Variants in ADAMTSL1 observed in about 807,000 individuals in gnomAD.
ADAMTSL1 encodes the protein ADAMTS like 1.
A neutral mutation model predicts 201.8 loss-of-function variants in ADAMTSL1; 126 were observed. The observed-to-expected ratio is 0.62, with a 90% confidence interval of 0.54 to 0.72. The LOEUF (loss-of-function observed/expected upper bound fraction) is 0.72. ADAMTSL1 is among the 30% of genes least tolerant of loss of function. The probability of loss-of-function intolerance (pLI) is 0.00; values close to 1 mark genes in which losing one functional copy is unlikely to be tolerated. For synonymous variants in ADAMTSL1, 1,121 were observed against 903.4 expected (o/e 1.24, Z -4.32); for missense variants, 2,679 against 2,277.8 (o/e 1.18, Z -3.59).
chr9:18,364,646 GTACTGC>G (rs77698275), intron 2 of ADAMTSL1, among the ~76,000 whole-genome samples: 45,820 of 151,662 alleles, frequency 0.3, 7,163 homozygotes, highest in Admixed American at 0.42. Flanking sequence ...GGTCATTCTT[GTACTGC>G]TATAAAGAAA....
At chr9:18,717,863 GGAAAGTC>G in intron 14 of ADAMTSL1, 1 of 777,938 alleles carries the variant, frequency 1.3e-6, no homozygotes, top group South Asian at 1.5e-5. Flanking sequence ...TACCACCACA[GGAAAGTC>G]CATTTAAGAT....
intron 2 of ADAMTSL1, among the ~76,000 whole-genome samples, chr9:18,375,481 C>A (rs907458389): frequency 2.0e-5 from 3 of 152,048 alleles, no homozygotes; most frequent in Non-Finnish European, 4.4e-5. Flanking sequence ...TTTGTGCTGA[C>A]AAATACAAGT....
chr9:18,240,975 C>A (rs188450382), intron 2 of ADAMTSL1, among the ~76,000 whole-genome samples: 40 of 152,318 alleles, frequency 2.6e-4, no homozygotes, highest in African/African-American at 9.4e-4. Context: ...GGGCCTTGCT[C>A]TGGATTAGGC....
intron 2 of ADAMTSL1, among the ~76,000 whole-genome samples, chr9:18,436,416 T>C (rs1378166885): frequency 2.0e-5 from 3 of 152,212 alleles, no homozygotes; most frequent in Non-Finnish European, 4.4e-5. Context: ...TCCTCTTTCT[T>C]GCTCTTGTTT....
intron 3 of ADAMTSL1, among the ~76,000 whole-genome samples, chr9:18,550,569 A>G (rs1820738402): frequency 6.6e-6 from 1 of 151,944 alleles, no homozygotes; most frequent in South Asian, 2.1e-4. Flanking sequence ...AATTTAGCCA[A>G]CAACCTCAAT....
chr9:18,045,006 G>A (rs1041110909), intron 1 of ADAMTSL1, among the ~76,000 whole-genome samples: 4 of 152,086 alleles, frequency 2.6e-5, no homozygotes, highest in African/African-American at 7.2e-5. Flanking sequence ...TGAGAATAGA[G>A]GCCAAAGCCC....
chr9:18,287,144 T>C (rs545420111), intron 2 of ADAMTSL1, among the ~76,000 whole-genome samples: 1 of 152,278 alleles, frequency 6.6e-6, no homozygotes, highest in South Asian at 2.1e-4. Flanking sequence ...TAATATGGCC[T>C]TGTTACTGGA....
At chr9:18,628,051 T>C (rs1196118338) in intron 5 of ADAMTSL1, among the ~76,000 whole-genome samples, 1 of 152,196 alleles carries the variant, frequency 6.6e-6, no homozygotes, top group African/African-American at 2.4e-5. Context: ...GCTTTTTTAT[T>C]CAAAATTGCT....
chr9:18,535,889 C>A (rs923617136), intron 3 of ADAMTSL1, among the ~76,000 whole-genome samples: 2 of 152,104 alleles, frequency 1.3e-5, no homozygotes, highest in African/African-American at 4.8e-5. Context: ...TGGTTCTTCC[C>A]TTGACACGCA....
rs1832270684 is a variant in ADAMTSL1, at chr9:18,706,971, G to A, written c.1799G>A (p.Gly600Asp). Residue 600 changes from glycine to aspartate, a missense_variant, in exon 14 of 29, where the codon GGT becomes GAT. Physicochemically the swap from Gly to Asp is moderately conservative, Grantham distance 94. Transcript: ENST00000380548. The part of the protein sequence containing the change: ...FNPDETDGLF[G>D]GLQDFDELYD... ...CCAGACGAGACAGATGGGCTCTTTG[G>A]TGGCCTGCAGGATTTCGACGAGCTG... 3 of 1,613,968 alleles carry A rather than the reference G, an allele frequency of 1.9e-6. No individual in the cohort carries two copies. In the African/African-American group the frequency reaches 4.0e-5, roughly 22 times the overall value.
chr9:18,016,155 T>C (rs1820251637), intron 1 of ADAMTSL1, among the ~76,000 whole-genome samples: 1 of 152,058 alleles, frequency 6.6e-6, no homozygotes, highest in African/African-American at 2.4e-5. Context: ...ATGTATTCAA[T>C]GTACATCCAC....
chr9:18,758,564 C>G (rs1454407937), intron 16 of ADAMTSL1, among the ~76,000 whole-genome samples: 2 of 152,172 alleles, frequency 1.3e-5, no homozygotes, highest in African/African-American at 4.8e-5. Context: ...GCTTCCTTGG[C>G]TCATGGCCCC....
intron 1 of ADAMTSL1, among the ~76,000 whole-genome samples, chr9:17,918,056 G>A (rs982217011): frequency 4.6e-5 from 7 of 151,726 alleles, no homozygotes; most frequent in African/African-American, 1.7e-4. Context: ...CTTTTTCCCT[G>A]ATCAATCTGC....
chr9:18,697,291 C>A (rs534923947), intron 13 of ADAMTSL1, among the ~76,000 whole-genome samples: 1 of 152,152 alleles, frequency 6.6e-6, no homozygotes, highest in African/African-American at 2.4e-5. Flanking sequence ...CAGACAAAAC[C>A]ATTTGCAGTG....
At chr9:18,133,427 A>G (rs970539321) in intron 1 of ADAMTSL1, among the ~76,000 whole-genome samples, 1 of 152,150 alleles carries the variant, frequency 6.6e-6, no homozygotes, top group Non-Finnish European at 1.5e-5. Flanking sequence ...GTCTGGGCTA[A>G]ACATTTTCAT....
chr9:18,109,680 G>C (rs1587071309), intron 1 of ADAMTSL1, among the ~76,000 whole-genome samples: 2 of 152,164 alleles, frequency 1.3e-5, no homozygotes, highest in East Asian at 3.9e-4. Context: ...ATATCAGACA[G>C]CCTTTTAGAC....
At chr9:18,611,931 C>T (rs1406867238) in intron 4 of ADAMTSL1, among the ~76,000 whole-genome samples, 4 of 151,756 alleles carry the variant, frequency 2.6e-5, no homozygotes, top group African/African-American at 9.7e-5. Flanking sequence ...GCCAGACCAC[C>T]AGCCAAAGGG....
intron 2 of ADAMTSL1, among the ~76,000 whole-genome samples, chr9:18,256,073 C>G (rs549175282): frequency 1.3e-5 from 2 of 152,334 alleles, no homozygotes; most frequent in South Asian, 4.1e-4. Context: ...CATAATTTCT[C>G]TCACTCTTAT....
At chr9:18,080,887 T>G (rs764192618) in intron 1 of ADAMTSL1, among the ~76,000 whole-genome samples, 1 of 152,214 alleles carries the variant, frequency 6.6e-6, no homozygotes, top group Non-Finnish European at 1.5e-5. Context: ...AAGCCTCTCA[T>G]TATTTTAATG....
Sources: allele counts gnomAD v4.1 joint callset (sites outside exome capture counted in the v4.1 genomes callset), GRCh38; gene constraint gnomAD v4.1.1; transcripts MANE v1.5; gene names NCBI Gene and HGNC (gene_info 2026-07-23, HGNC 2026-07-21).